The following CERS3 variants were observed in gnomAD, a reference collection of about 807,000 sequenced individuals.
CERS3 encodes the protein ceramide synthase 3.
Under a neutral mutation model 50.3 loss-of-function variants are expected in CERS3, and 33 were observed. The ratio of observed to expected loss-of-function variants is 0.66; its 90% CI spans 0.50 to 0.88. CERS3 has a LOEUF of 0.88. Among genes scored for constraint, CERS3 ranks in the 40% least tolerant of loss-of-function variants. The pLI is 0.00. For synonymous variants in CERS3, 176 were observed against 155.2 expected, an observed-to-expected ratio of 1.13 and a Z score of -0.99; for missense variants, 470 against 460.3, an observed-to-expected ratio of 1.02 and a Z score of -0.19.
intron 1 of CERS3, among the ~76,000 whole-genome samples, chr15:100,537,121 C>G (rs1025609869): frequency 2.0e-5 from 3 of 152,120 alleles, no homozygotes; most frequent in African/African-American, 4.8e-5. Context: ...CTTGGGAAAC[C>G]TAGGACACTC....
chr15:100,496,764 C>G (rs143829865), intron 3 of CERS3, among the ~76,000 whole-genome samples: 184 of 152,258 alleles, frequency 1.2e-3, no homozygotes, highest in African/African-American at 4.3e-3. Context: ...CCAGTCAATT[C>G]TAGGACTTAC....
upstream of CERS3, among the ~76,000 whole-genome samples, chr15:100,530,093 A>G (rs2036902015): frequency 6.6e-6 from 1 of 152,148 alleles, no homozygotes. Flanking sequence ...TAATGGGCTC[A>G]TGCATTTTTA....
chr15:100,433,379 C>G (rs1212216154), intron 11 of CERS3, among the ~76,000 whole-genome samples: 1 of 151,698 alleles, frequency 6.6e-6, no homozygotes, highest in South Asian at 2.1e-4. Flanking sequence ...ATAGAATCAA[C>G]ATGAACATAT....
chr15:100,491,981 C>T (rs1255119095), intron 3 of CERS3, among the ~76,000 whole-genome samples: 1 of 151,892 alleles, frequency 6.6e-6, no homozygotes, highest in African/African-American at 2.4e-5. Flanking sequence ...CTGTCTCAGC[C>T]ACCCGAAGTG....
At chr15:100,407,768 A>G (rs959412053) in intron 11 of CERS3, among the ~76,000 whole-genome samples, 2 of 152,254 alleles carry the variant, frequency 1.3e-5, no homozygotes, top group African/African-American at 4.8e-5. Flanking sequence ...TCTACATGGT[A>G]TTAGGTATTG....
chr15:100,439,171 T>C (rs1010238695), intron 11 of CERS3, among the ~76,000 whole-genome samples: 4 of 152,228 alleles, frequency 2.6e-5, no homozygotes, highest in Non-Finnish European at 4.4e-5. Flanking sequence ...TAGTGATATT[T>C]TTATTTTAAG....
At chr15:100,544,498 T>TCCGCGGGGTCAC (rs2037307100) in intron 1 of CERS3, 2 of 148,780 alleles carry the variant, frequency 1.3e-5, no homozygotes, top group East Asian at 2.0e-4. Context: ...GGCCTCGACC[T>TCCGCGGGGTCAC]GGGCCTGCGC....
intron 3 of CERS3, among the ~76,000 whole-genome samples, chr15:100,491,394 A>T (rs1022493677): frequency 6.6e-6 from 1 of 152,166 alleles, no homozygotes; most frequent in Non-Finnish European, 1.5e-5. Flanking sequence ...TGGTAGGGCA[A>T]TTATACATTT....
Position 100,455,973 on chromosome 15 carries a change from G to T in CERS3, c.919C>A (p.Gln307Lys), listed in dbSNP as rs77986502. The T allele has an allele frequency of 6.2e-7, 1 of 1,613,158 alleles. No individual in the cohort carries two copies. The highest frequency in any genetic ancestry group is 2.2e-5 in the East Asian group (1 of 44,822). ...TGAAGGACCTGCAAGATCATGAGCT[G>T]TAGGTTGAGGAAGATGTATGAAAAG... ...PFFSYIFLNL[Q>K]LMILQVLHLY... The change falls in exon 11 of 12, where the codon CAG (glutamine) becomes AAG (lysine). Residue 307 changes from glutamine to lysine, a missense_variant. Coordinates refer to ENST00000679737, the MANE Select transcript of CERS3 (RefSeq NM_001378789.1).
rs1217323633 is a variant in CERS3 at position 100,401,152 on chromosome 15, C to G, written c.*1561G>C. 4 of 152,226 alleles carry G rather than the reference C, an allele frequency of 2.6e-5. No homozygotes were observed. Among genetic ancestry groups the G allele is most frequent in the African/African-American group, 9.7e-5 (4 of 41,436 alleles). 9.4% of individuals were successfully genotyped at this position (152,226 alleles called of 1,614,324 possible). A position where few individuals can be genotyped will look rare whatever the true frequency, so the allele number is the denominator to read the frequency against. ...CTCTGCTTGGGGCTGATTTTCCAGT[C>G]CCTACAAGCCGACCTCTCCTGTGGC... On this transcript the variant is annotated 3_prime_UTR_variant, in exon 12 of 12. Coordinates refer to ENST00000679737, the MANE Select transcript of CERS3 (RefSeq NM_001378789.1).
chr15:100,532,657 G>T (rs183432149), upstream of CERS3, among the ~76,000 whole-genome samples: 9 of 152,154 alleles, frequency 5.9e-5, no homozygotes, highest in Admixed American at 4.6e-4. Flanking sequence ...TACTTGGAAG[G>T]CTGAGGTGGG....
intron 11 of CERS3, among the ~76,000 whole-genome samples, chr15:100,437,090 C>T (rs182893360): frequency 3.4e-4 from 52 of 151,930 alleles, no homozygotes; most frequent in African/African-American, 9.4e-4. Context: ...ACTACAGGTG[C>T]GCTCCACCAT....
At position 100,401,893 on chromosome 15, in the gene CERS3, G is replaced by T. The variant is rs1485498609; in HGVS notation, c.*820C>A. On this transcript the variant is annotated 3_prime_UTR_variant, in exon 12 of 12. Transcript: ENST00000679737. The stretch of plus-strand genomic sequence containing the variant: ...TTGAACCATGGGTCCTGAGGGAGAA[G>T]AATTCCAGGAGAATCTGAGAATGAC... The T allele has an allele frequency of 1.3e-5, 2 of 152,264 alleles. No individual in the cohort carries two copies. Among genetic ancestry groups the T allele is most frequent in the Admixed American group, 1.3e-4 (2 of 15,292 alleles). 9.4% of individuals were successfully genotyped at this position (152,264 alleles called of 1,614,324 possible).
At chr15:100,441,143 A>T (rs2033663888) in intron 11 of CERS3, among the ~76,000 whole-genome samples, 1 of 151,834 alleles carries the variant, frequency 6.6e-6, no homozygotes, top group South Asian at 2.1e-4. Context: ...CCACACCCTG[A>T]CCTCTTATCT....
intron 11 of CERS3, among the ~76,000 whole-genome samples, chr15:100,446,118 A>T (rs1345003010): frequency 6.6e-6 from 1 of 152,006 alleles, no homozygotes; most frequent in East Asian, 1.9e-4. Flanking sequence ...TTTCGGACTC[A>T]GCCCGCCTGC....
At chr15:100,446,071 A>G (rs1461405097) in intron 11 of CERS3, among the ~76,000 whole-genome samples, 8 of 151,252 alleles carry the variant, frequency 5.3e-5, no homozygotes, top group African/African-American at 1.7e-4. Context: ...AAATCCTATA[A>G]AACGGCCCCA....
chr15:100,417,806 C>G (rs1039028233), intron 11 of CERS3, among the ~76,000 whole-genome samples: 3 of 151,884 alleles, frequency 2.0e-5, no homozygotes, highest in Admixed American at 1.3e-4. Flanking sequence ...GAGAGGCACC[C>G]CCCAGCAAGG....
chr15:100,444,231 C>G (rs1596672783), intron 11 of CERS3, among the ~76,000 whole-genome samples: 2 of 152,292 alleles, frequency 1.3e-5, no homozygotes, highest in East Asian at 3.9e-4. Flanking sequence ...GCTCTCATAA[C>G]TTCCAAAATC....
intron 11 of CERS3, among the ~76,000 whole-genome samples, chr15:100,415,827 C>A (rs2031859094): frequency 6.6e-6 from 1 of 151,900 alleles, no homozygotes; most frequent in Admixed American, 6.6e-5. Flanking sequence ...AGCATTCGGA[C>A]AAATACCTAA....
Sources: gnomAD v4.1 joint callset for allele counts (sites outside exome capture counted in the v4.1 genomes callset) on GRCh38, gnomAD v4.1.1 for gene constraint, MANE v1.5 for transcripts, NCBI Gene and HGNC (gene_info 2026-07-23, HGNC 2026-07-21) for gene names.